The following STAB2 variants were observed in gnomAD, a reference collection of about 807,000 sequenced individuals.
STAB2 encodes stabilin 2.
In STAB2, 288 loss-of-function variants were observed where a neutral mutation model predicts 338.1. The observed-to-expected ratio is 0.85, with a 90% confidence interval of 0.77 to 0.94. The LOEUF is 0.94. Among genes scored for constraint, STAB2 ranks in the 40% least tolerant of loss-of-function variants. The pLI, the probability that STAB2 is intolerant of heterozygous loss-of-function variation, is 0.00. For missense variants in STAB2, 3,141 were observed against 3,210.1 expected, an observed-to-expected ratio of 0.98 and a Z score of 0.52; for synonymous variants, 1,202 against 1,193.3, an observed-to-expected ratio of 1.01 and a Z score of -0.15.
At position 103,745,245 on chromosome 12, in the gene STAB2, G is replaced by A; in HGVS notation, c.6104G>A (p.Gly2035Glu). The change falls in exon 57 of 69, where the codon GGG (glycine) becomes GAG (glutamate). Residue 2035 changes from glycine (G) to glutamate (E), a missense_variant. Gly to Glu is a moderately conservative substitution (Grantham distance 98). Transcript: ENST00000388887. ...TGSGQCLCET[G>E]WTGPSCDTQA... is the part of the protein sequence containing the mutation. ...TCCGGGCAGTGCCTCTGTGAAACGGGGTGGACAGGCCCCTCGTGTGACACT... is the reference window on the plus strand; with the variant it reads ...TCCGGGCAGTGCCTCTGTGAAACGGAGTGGACAGGCCCCTCGTGTGACACT... 7.4e-6 allele frequency: 12 copies of A among 1,613,924 alleles called. No homozygotes were observed. The highest frequency in any genetic ancestry group is 1.7e-4 in the Middle Eastern group (1 of 6,044).
chr12:103,616,209 T>C (rs1194911677), intron 3 of STAB2, among the ~76,000 whole-genome samples: 18 of 152,164 alleles, frequency 1.2e-4, no homozygotes. Flanking sequence ...TCCTCTCTGA[T>C]CAGTGTAGCC....
chr12:103,738,169 T>C (rs1177624913), intron 53 of STAB2, among the ~76,000 whole-genome samples: 1 of 152,196 alleles, frequency 6.6e-6, no homozygotes, highest in African/African-American at 2.4e-5. Context: ...GAAATTGCCA[T>C]ATTTGACAGT....
At chr12:103,661,938 A>T (rs1247636345) in intron 17 of STAB2, among the ~76,000 whole-genome samples, 1 of 152,116 alleles carries the variant, frequency 6.6e-6, no homozygotes, top group African/African-American at 2.4e-5. Flanking sequence ...CAGGGTAAGG[A>T]TGCAGGCTCT....
intron 18 of STAB2, among the ~76,000 whole-genome samples, chr12:103,665,240 G>T (rs1444165313): frequency 2.0e-5 from 3 of 152,218 alleles, no homozygotes; most frequent in Non-Finnish European, 2.9e-5. Flanking sequence ...AGTAGAAGCA[G>T]CTGGTACCCT....
At chr12:103,638,301 A>T (rs1330528423) in intron 8 of STAB2, 89 bp downstream of exon 8, 1 of 1,389,584 alleles carries the variant, frequency 7.2e-7, no homozygotes, top group East Asian at 2.4e-5. Flanking sequence ...ATGCCATCCC[A>T]ATTCTCCCTT....
At chr12:103,739,144 AT>A (rs10711740) in intron 53 of STAB2, among the ~76,000 whole-genome samples, 81,806 of 146,652 alleles carry the variant, frequency 0.56, 22,605 homozygotes, top group Admixed American at 0.61. Context: ...TGCCTGGCTA[AT>A]TTTTTTTTTT....
intron 66 of STAB2, 128 bp from the exon 67 acceptor site, chr12:103,762,146 C>T: frequency 5.4e-6 from 7 of 1,299,576 alleles, no homozygotes; most frequent in Non-Finnish European, 7.5e-6. Context: ...GTAATAAGGG[C>T]CAGATACATG....
chr12:103,750,563 C>G lies in STAB2; in HGVS notation c.6439-16C>G, dbSNP rs1436750994. ...GAGAAGGAACTTTTTCATCTCTTCC[C>G]ACTCTCCCTCCACAGGGCAAGCACA... On this transcript the variant is annotated splice_polypyrimidine_tract_variant and intron_variant, in intron 59 of 68. Coordinates refer to ENST00000388887, the MANE Select transcript of STAB2 (RefSeq NM_017564.10). 5.0e-6 allele frequency: 8 copies of G among 1,612,582 alleles called. No homozygotes were observed. Among genetic ancestry groups the G allele is most frequent in the Non-Finnish European group, 6.8e-6 (8 of 1,178,892 alleles).
At chr12:103,756,808 T>C (rs1347557116) in intron 63 of STAB2, among the ~76,000 whole-genome samples, 5 of 151,896 alleles carry the variant, frequency 3.3e-5, no homozygotes, top group Non-Finnish European at 1.5e-5. Flanking sequence ...AGACCAAAGA[T>C]ATCCATCTCA....
At chr12:103,641,667 G>A (rs1470891053) in intron 9 of STAB2, among the ~76,000 whole-genome samples, 1 of 152,146 alleles carries the variant, frequency 6.6e-6, no homozygotes, top group Admixed American at 6.5e-5. Flanking sequence ...AATACCTTAA[G>A]CGAACTCTTT....
At chr12:103,720,515 T>A (rs1022075356) in intron 44 of STAB2, among the ~76,000 whole-genome samples, 1 of 152,234 alleles carries the variant, frequency 6.6e-6, no homozygotes, top group Non-Finnish European at 1.5e-5. Flanking sequence ...TATGAAAATT[T>A]ATGAATTTGT....
At chr12:103,665,585 G>A (rs71466275) in intron 18 of STAB2, among the ~76,000 whole-genome samples, 104 of 152,258 alleles carry the variant, frequency 6.8e-4, no homozygotes, top group Middle Eastern at 3.4e-3. Context: ...GGAGCCGTAG[G>A]GATGGTACCA....
At chr12:103,730,519 G>A (rs1252291277) in intron 49 of STAB2, among the ~76,000 whole-genome samples, 1 of 152,178 alleles carries the variant, frequency 6.6e-6, no homozygotes, top group African/African-American at 2.4e-5. Flanking sequence ...GGAGAAGATA[G>A]ATAAAATTAA....
At chr12:103,666,855 A>G (rs1192004220) in intron 19 of STAB2, among the ~76,000 whole-genome samples, 6 of 152,226 alleles carry the variant, frequency 3.9e-5, no homozygotes, top group Admixed American at 3.9e-4. Flanking sequence ...TTCTGTACAC[A>G]TTTATTGAGG....
At chr12:103,654,805 C>A in intron 13 of STAB2, 107 bp downstream of exon 13, 1 of 1,388,678 alleles carries the variant, frequency 7.2e-7, no homozygotes, top group Non-Finnish European at 9.7e-7. Context: ...TTCGTTTGTG[C>A]TAGGATCCCG....
rs11111724 is a variant in STAB2, at chr12:103,711,209, T to C, written c.4289-262T>C. On this transcript the variant is annotated intron_variant, in intron 39 of 68. Coordinates refer to ENST00000388887, the MANE Select transcript of STAB2 (RefSeq NM_017564.10). ...TGGTCACATTCCAGGGAGAATTCTG[T>C]GTTTTATTCACTCTTGCATCCTCAC... 1,112 of 481,668 alleles carry C rather than the reference T, an allele frequency of 2.3e-3. 13 individuals are homozygous for C. The highest frequency in any genetic ancestry group is 0.02 in the African/African-American group (1,021 of 50,646). 29.8% of individuals were successfully genotyped at this position (481,668 alleles called of 1,614,324 possible).
rs1015571177 is a variant in STAB2, at chr12:103,660,247, C to T, written c.1735-84C>T. ...ATTATGGGTCATTTTTCTTGATTGT[C>T]TAACGTCATTTGAAGAGGATTCCAC... On this transcript the variant is annotated intron_variant, in intron 15 of 68. Transcript: ENST00000388887. 9 of 1,403,386 alleles carry T rather than the reference C, an allele frequency of 6.4e-6. No individual in the cohort carries two copies. The African/African-American group carries it at 1.1e-4, about 18-fold the overall frequency. The allele number at this position is 1,403,386 out of a possible 1,614,324, so 86.9% of individuals were successfully genotyped here.
chr12:103,660,527 ATCAGAGCGATCT>A, intron 16 of STAB2, 143 bp downstream of exon 16: 1 of 1,248,088 alleles, frequency 8.0e-7, no homozygotes, highest in Non-Finnish European at 1.2e-6. Context: ...TGAGTCCATT[ATCAGAGCGATCT>A]TCAAAGCCAC....
chr12:103,639,987 T>G lies in STAB2; in HGVS notation c.907-136T>G. ...TTCTACTTTTAGATACTTTGACAAA[T>G]TTTTAGTTTAAGTCCACACTTCAGA... On this transcript the variant is annotated intron_variant, in intron 8 of 68. Coordinates refer to ENST00000388887, the MANE Select transcript of STAB2 (RefSeq NM_017564.10). 5 of 1,034,748 alleles carry G rather than the reference T, an allele frequency of 4.8e-6. No homozygotes were observed. In the South Asian group the frequency reaches 1.0e-4, roughly 22 times the overall value. The allele number at this position is 1,034,748 out of a possible 1,614,324, so 64.1% of individuals were successfully genotyped here.
Sources: gnomAD v4.1 joint callset for allele counts (sites outside exome capture counted in the v4.1 genomes callset) on GRCh38, gnomAD v4.1.1 for gene constraint, MANE v1.5 for transcripts, NCBI Gene and HGNC (gene_info 2026-07-23, HGNC 2026-07-21) for gene names.